CPB2: variants seen among roughly 807,000 people sequenced by gnomAD.
The protein encoded by CPB2 is carboxypeptidase B-like protein.
CPB2 carries 54 observed loss-of-function variants against 57.0 expected under a neutral mutation model. That is an observed-to-expected ratio of 0.95 (90% CI 0.76 to 1.19). The LOEUF (loss-of-function observed/expected upper bound fraction) is 1.19. Ranked by LOEUF, CPB2 falls within the 50% of genes most tolerant of loss-of-function variation. CPB2 has a pLI of 0.00. For synonymous variants in CPB2, 189 were observed against 178.1 expected, an observed-to-expected ratio of 1.06 and a Z score of -0.49; for missense variants, 426 against 512.0, an observed-to-expected ratio of 0.83 and a Z score of 1.62.
At chr13:46,068,359 C>T (rs1370286821) in intron 6 of CPB2, among the ~76,000 whole-genome samples, 1 of 151,990 alleles carries the variant, frequency 6.6e-6, no homozygotes, top group Admixed American at 6.5e-5. Flanking sequence ...ATATTATATT[C>T]ATATTTCCCT....
intron 8 of CPB2, 97 bp downstream of exon 8, chr13:46,064,551 G>T: frequency 1.0e-6 from 1 of 958,392 alleles, no homozygotes. Context: ...GATTCAGACA[G>T]GCCAGCTCTG....
chr13:46,069,493 C>T (rs1422955830), intron 6 of CPB2, among the ~76,000 whole-genome samples: 1 of 152,128 alleles, frequency 6.6e-6, no homozygotes, highest in Non-Finnish European at 1.5e-5. Flanking sequence ...ACTCACTCCC[C>T]TTTCCCTCCT....
chr13:46,075,098 A>G (rs1234068035), intron 5 of CPB2, among the ~76,000 whole-genome samples: 2 of 152,192 alleles, frequency 1.3e-5, no homozygotes, highest in African/African-American at 4.8e-5. Flanking sequence ...AAATATGTAG[A>G]CTTGCAATTC....
At position 46,090,946 on chromosome 13, in the gene CPB2, G is replaced by A. The variant is rs1037424049; in HGVS notation, c.75-3126C>T. Among the ~76,000 whole-genome samples the A allele has an allele frequency of 9.2e-5, 14 of 151,770 alleles. No homozygotes were observed. The South Asian group carries it at 2.1e-3, about 23-fold the overall frequency. On this transcript the variant is annotated intron_variant, in intron 1 of 10. Transcript: ENST00000181383. The stretch of plus-strand genomic sequence containing the variant: ...TCACTATGTTGGTCAGGCTGGTCTC[G>A]AACTCCTGACCTCGTGATCCTCCTG...
chr13:46,063,929 A>T (rs2044813811), intron 8 of CPB2, among the ~76,000 whole-genome samples: 1 of 151,934 alleles, frequency 6.6e-6, no homozygotes, highest in Non-Finnish European at 1.5e-5. Context: ...AAATGTCTTC[A>T]AACACTATAG....
chr13:46,062,929 A>G (rs983567690), intron 8 of CPB2, among the ~76,000 whole-genome samples: 2 of 152,204 alleles, frequency 1.3e-5, no homozygotes, highest in Admixed American at 1.3e-4. Flanking sequence ...TTTAAAGGAA[A>G]TAGGCAAAAT....
chr13:46,055,334 T>C (rs964588234), intron 10 of CPB2, among the ~76,000 whole-genome samples: 1 of 152,222 alleles, frequency 6.6e-6, no homozygotes. Context: ...TCAACTGTAA[T>C]GTGTTATGAG....
chr13:46,091,926 C>T (rs1289730687), intron 1 of CPB2, among the ~76,000 whole-genome samples: 3 of 152,196 alleles, frequency 2.0e-5, no homozygotes, highest in Middle Eastern at 3.2e-3. Flanking sequence ...ACTCTGTTAA[C>T]GGCAATGGCA....
rs982716199 is a variant in CPB2, at chr13:46,058,231, A to G, written c.947T>C (p.Ile316Thr). 3 of 1,613,992 alleles carry G rather than the reference A, an allele frequency of 1.9e-6. No homozygotes were observed. The highest frequency in any genetic ancestry group is 1.3e-5 in the African/African-American group (1 of 74,936). Residue 316 changes from isoleucine to threonine, a missense_variant, in exon 9 of 11, where the codon ATA becomes ACA. Physicochemically the swap from Ile to Thr is moderately conservative, Grantham distance 89. Coordinates refer to ENST00000181383, the MANE Select transcript of CPB2 (RefSeq NM_001872.5). ...YISMHSYSQH[I>T]VFPYSYTRSK... ...TCGTGTATAGGAATATGGAAACACTATATGCTGGGAGTATGAATGCATGCT... is the reference window on the plus strand; with the variant it reads ...TCGTGTATAGGAATATGGAAACACTGTATGCTGGGAGTATGAATGCATGCT...
intron 2 of CPB2, among the ~76,000 whole-genome samples, chr13:46,084,926 C>T (rs996576388): frequency 2.6e-5 from 4 of 151,848 alleles, no homozygotes; most frequent in African/African-American, 7.3e-5. Context: ...TCTTGGCTCA[C>T]TGCAAGCTCT....
At chr13:46,056,370 A>G (rs1214989881) in intron 9 of CPB2, among the ~76,000 whole-genome samples, 2 of 152,166 alleles carry the variant, frequency 1.3e-5, no homozygotes, top group African/African-American at 4.8e-5. Flanking sequence ...TGCCTCTGGT[A>G]TGGAGCAGGA....
At chr13:46,058,741 G>A (rs149706549) in intron 8 of CPB2, among the ~76,000 whole-genome samples, 157 of 152,216 alleles carry the variant, frequency 1.0e-3, no homozygotes, top group African/African-American at 3.6e-3. Context: ...TCTGATATTT[G>A]TAGTTTTAAA....
intron 8 of CPB2, 121 bp downstream of exon 8, chr13:46,064,527 T>A (rs2044823555): frequency 1.3e-6 from 1 of 778,744 alleles, no homozygotes; most frequent in Non-Finnish European, 2.1e-6. Flanking sequence ...CATTTATCAT[T>A]TAAATTATTC....
At chr13:46,085,527 C>G (rs1437742147) in intron 2 of CPB2, among the ~76,000 whole-genome samples, 6 of 152,170 alleles carry the variant, frequency 3.9e-5, no homozygotes, top group Non-Finnish European at 2.9e-5. Context: ...CCATTCTTGC[C>G]AGACTGAGAC....
Position 46,058,378 on chromosome 13 carries a change from T to C in CPB2, c.800A>G (p.Glu267Gly). 1 of 1,613,886 alleles carries C rather than the reference T, an allele frequency of 6.2e-7. No homozygotes were observed. The highest frequency in any genetic ancestry group is 8.5e-7 in the Non-Finnish European group (1 of 1,179,836). Residue 267 changes from glutamate to glycine, a missense_variant, in exon 9 of 11, where the codon GAA becomes GGA. By Grantham distance (98) the Glu-to-Gly change is moderately conservative (BLOSUM62 -2). Coordinates refer to ENST00000181383, the MANE Select transcript of CPB2 (RefSeq NM_001872.5). ...RNFASKHWCE[E>G]GASSSSCSET... ...CGAGCATGAGGAACTGGATGCACCTTCCTCTGTAACGAAATTGTTAAGGTG... is the reference window on the plus strand; with the variant it reads ...CGAGCATGAGGAACTGGATGCACCTCCCTCTGTAACGAAATTGTTAAGGTG...
At chr13:46,064,557 C>G (rs2044823700) in intron 8 of CPB2, 91 bp downstream of exon 8, 9 of 1,000,478 alleles carry the variant, frequency 9.0e-6, no homozygotes, top group Middle Eastern at 2.1e-4. Flanking sequence ...GACAGGCCAG[C>G]TCTGTATTTA....
intron 8 of CPB2, among the ~76,000 whole-genome samples, chr13:46,059,201 C>T (rs1265447652): frequency 6.6e-6 from 1 of 152,204 alleles, no homozygotes; most frequent in Non-Finnish European, 1.5e-5. Context: ...CTGTGGAGCA[C>T]ATGCTGTACG....
chr13:46,100,275 T>C (rs1252604933), intron 1 of CPB2: 1 of 152,222 alleles, frequency 6.6e-6, no homozygotes, highest in East Asian at 1.9e-4. Flanking sequence ...CAAAAATTTA[T>C]TGATATGTCC....
Position 46,053,438 on chromosome 13 carries a change from C to A in CPB2, c.*176G>T. ...TTTTTAAAGGGTAAAAAGACATGAA[C>A]CCTAGTCTGCCTTAATGGCAAAGTA... On this transcript the variant is annotated 3_prime_UTR_variant, in exon 11 of 11. Coordinates refer to ENST00000181383, the MANE Select transcript of CPB2 (RefSeq NM_001872.5). 2.2e-6 allele frequency: 2 copies of A among 890,624 alleles called. No individual in the cohort carries two copies. Among genetic ancestry groups the A allele is most frequent in the Admixed American group, 3.2e-5 (1 of 31,016 alleles). 55.2% of individuals were successfully genotyped at this position (890,624 alleles called of 1,614,324 possible).
Sources: gnomAD v4.1 joint callset for allele counts (sites outside exome capture counted in the v4.1 genomes callset) on GRCh38, gnomAD v4.1.1 for gene constraint, MANE v1.5 for transcripts, NCBI Gene and HGNC (gene_info 2026-07-23, HGNC 2026-07-21) for gene names.